Variants in EPC2 observed in about 807,000 individuals in gnomAD.
EPC2 encodes the protein enhancer of polycomb homolog 2.
Under a neutral mutation model 92.1 loss-of-function variants are expected in EPC2, and 14 were observed. That is an observed-to-expected ratio of 0.15 (90% CI 0.10 to 0.24). The LOEUF (loss-of-function observed/expected upper bound fraction) is 0.24, where lower values mean the gene tolerates loss of function less well. EPC2 is among the 10% of genes least tolerant of loss of function. EPC2 has a pLI of 1.00. For synonymous variants in EPC2, 340 were observed against 334.7 expected, an observed-to-expected ratio of 1.02 and a Z score of -0.17; for missense variants, 755 against 971.5, an observed-to-expected ratio of 0.78 and a Z score of 2.96.
chr2:148,690,275 T>C lies in EPC2; in HGVS notation c.215T>C (p.Met72Thr), dbSNP rs765160548. ...QQVFREKKESMVIPVPEAESN... is the reference protein window; with the variant it reads ...QQVFREKKESTVIPVPEAESN... Reference sequence around the variant, plus strand: ...GTGTTTAGAGAAAAAAAAGAGAGTATGGTCATTCCTGTTCCTGAGGCAGAG... The same window carrying C: ...GTGTTTAGAGAAAAAAAAGAGAGTACGGTCATTCCTGTTCCTGAGGCAGAG... The change falls in exon 2 of 14, where the codon ATG (methionine) becomes ACG (threonine). Residue 72 changes from methionine to threonine, a missense_variant. This residue lies in a region of EPC2 where 509 missense variants were observed against 607.7 expected (regional missense o/e 0.84). Transcript: ENST00000258484. The C allele has an allele frequency of 1.2e-6, 2 of 1,611,820 alleles. No individual in the cohort carries two copies. The highest frequency in any genetic ancestry group is 1.7e-5 in the Admixed American group (1 of 59,392).
intron 1 of EPC2, among the ~76,000 whole-genome samples, chr2:148,669,425 C>T (rs1307827435): frequency 6.6e-6 from 1 of 152,012 alleles, no homozygotes; most frequent in Non-Finnish European, 1.5e-5. Context: ...ACTTGTAATC[C>T]CAGCACTTTG....
chr2:148,779,560 G>A (rs2105439069), intron 10 of EPC2, among the ~76,000 whole-genome samples: 1 of 152,230 alleles, frequency 6.6e-6, no homozygotes, highest in Admixed American at 6.5e-5. Context: ...TCTAGCCTGG[G>A]CAATAGAGCA....
chr2:148,715,225 A>C (rs965913235), intron 2 of EPC2, among the ~76,000 whole-genome samples: 1 of 151,936 alleles, frequency 6.6e-6, no homozygotes, highest in Non-Finnish European at 1.5e-5. Context: ...AATAGAGACC[A>C]GGTTTCACCA....
intron 1 of EPC2, among the ~76,000 whole-genome samples, chr2:148,660,194 AAGAG>A (rs1357833815): frequency 1.3e-5 from 2 of 152,144 alleles, no homozygotes; most frequent in African/African-American, 2.4e-5. Context: ...CTATGTGTGT[AAGAG>A]AGAGAAAGAG....
chr2:148,721,786 G>C (rs1392682846), intron 2 of EPC2, among the ~76,000 whole-genome samples: 1 of 142,420 alleles, frequency 7.0e-6, no homozygotes, highest in Non-Finnish European at 1.5e-5. Flanking sequence ...CAGGCTCCAA[G>C]ATTGTTCTGT....
At chr2:148,655,920 T>G (rs1680783531) in intron 1 of EPC2, among the ~76,000 whole-genome samples, 2 of 149,840 alleles carry the variant, frequency 1.3e-5, no homozygotes, top group South Asian at 2.1e-4. Context: ...TATAAAAATT[T>G]AACAGCACAA....
intron 2 of EPC2, among the ~76,000 whole-genome samples, chr2:148,715,404 G>A (rs1406635789): frequency 6.6e-6 from 1 of 152,024 alleles, no homozygotes; most frequent in African/African-American, 2.4e-5. Context: ...TTTTGTTTTT[G>A]GTGTAAGGAA....
intron 1 of EPC2, among the ~76,000 whole-genome samples, chr2:148,669,058 A>C (rs1406913951): frequency 6.6e-6 from 1 of 152,040 alleles, no homozygotes; most frequent in Non-Finnish European, 1.5e-5. Flanking sequence ...ATTTTCATTT[A>C]GTTCAAAATA....
intron 10 of EPC2, among the ~76,000 whole-genome samples, chr2:148,772,030 C>T (rs1683532973): frequency 6.6e-6 from 1 of 152,088 alleles, no homozygotes; most frequent in African/African-American, 2.4e-5. Context: ...AAATCCTGAC[C>T]TCAGGTGATC....
chr2:148,771,238 G>A lies in EPC2; in HGVS notation c.1571G>A (p.Arg524Gln), dbSNP rs747278661. The A allele has an allele frequency of 3.0e-5, 49 of 1,613,814 alleles. No homozygotes were observed. Among genetic ancestry groups the A allele is most frequent in the South Asian group, 6.6e-5 (6 of 91,064 alleles). ...ATATTAAGCAATATCAGATCATGTC[G>A]ACTACAGTGTTTCCAGCCAAGGCTA... ...SEILSNIRSC[R>Q]LQCFQPRLLN... The change falls in exon 10 of 14, where the codon CGA (arginine) becomes CAA (glutamine). Residue 524 changes from arginine to glutamine, a missense_variant. Arg to Gln is a conservative substitution (Grantham distance 43). This residue lies in a region of EPC2 where 509 missense variants were observed against 607.7 expected (regional missense o/e 0.84). Coordinates refer to ENST00000258484, the MANE Select transcript of EPC2 (RefSeq NM_015630.4).
At chr2:148,756,914 C>T (rs1425794227) in intron 4 of EPC2, among the ~76,000 whole-genome samples, 1 of 152,126 alleles carries the variant, frequency 6.6e-6, no homozygotes, top group Admixed American at 6.5e-5. Flanking sequence ...AGAGATTTGG[C>T]AGCAAGTACA....
chr2:148,747,586 C>CTA (rs1683009468), intron 3 of EPC2, among the ~76,000 whole-genome samples: 1 of 151,998 alleles, frequency 6.6e-6, no homozygotes. Flanking sequence ...TTACCTTTTA[C>CTA]CCACATCACA....
At chr2:148,778,025 ATG>A (rs1683680446) in intron 10 of EPC2, among the ~76,000 whole-genome samples, 1 of 152,202 alleles carries the variant, frequency 6.6e-6, no homozygotes, top group African/African-American at 2.4e-5. Context: ...GTTATATAGA[ATG>A]TGTTACCTAG....
intron 1 of EPC2, among the ~76,000 whole-genome samples, chr2:148,662,683 G>T (rs921137511): frequency 2.0e-5 from 3 of 151,934 alleles, no homozygotes; most frequent in African/African-American, 7.3e-5. Flanking sequence ...GGGGGGAGGC[G>T]GGAGGAATAG....
intron 2 of EPC2, among the ~76,000 whole-genome samples, chr2:148,734,483 A>T (rs780095300): frequency 4.4e-4 from 67 of 152,292 alleles, no homozygotes; most frequent in Non-Finnish European, 7.4e-4. Flanking sequence ...CGTTAATATT[A>T]AAAAGACCTA....
At chr2:148,652,901 T>G (rs1371900999) in intron 1 of EPC2, among the ~76,000 whole-genome samples, 1 of 152,224 alleles carries the variant, frequency 6.6e-6, no homozygotes, top group African/African-American at 2.4e-5. Context: ...TTACTAGGCT[T>G]ACTCATTGCT....
At chr2:148,738,123 AAACAACAAC>A (rs3077276) in intron 2 of EPC2, among the ~76,000 whole-genome samples, 3 of 152,006 alleles carry the variant, frequency 2.0e-5, no homozygotes, top group Non-Finnish European at 4.4e-5. Flanking sequence ...ATGCCATTTG[AAACAACAAC>A]AACAACAACA....
chr2:148,752,943 T>G (rs12991171), intron 3 of EPC2, among the ~76,000 whole-genome samples: 22,828 of 152,012 alleles, frequency 0.15, 2,523 homozygotes, highest in East Asian at 0.46. Context: ...GGGAAATATC[T>G]CAGCTTCTGA....
chr2:148,698,547 A>G (rs960170550), intron 2 of EPC2, among the ~76,000 whole-genome samples: 3 of 146,488 alleles, frequency 2.0e-5, no homozygotes, highest in Non-Finnish European at 4.5e-5. Context: ...GAGGCAGAAG[A>G]ATTGCTTGAA....
Sources: gnomAD v4.1 joint callset for allele counts (sites outside exome capture counted in the v4.1 genomes callset) on GRCh38, gnomAD v4.1.1 for gene constraint, gnomAD v4.1.1 regional missense constraint, MANE v1.5 for transcripts, NCBI Gene and HGNC (gene_info 2026-07-23, HGNC 2026-07-21) for gene names.